Variants in CACNA2D3 observed in about 807,000 individuals in gnomAD.
The protein encoded by CACNA2D3 is voltage-dependent calcium channel subunit alpha-2/delta-3.
Under a neutral mutation model 160.6 loss-of-function variants are expected in CACNA2D3, and 60 were observed. The ratio of observed to expected loss-of-function variants is 0.37; its 90% CI spans 0.30 to 0.46. The LOEUF is 0.46. CACNA2D3 is among the 20% of genes least tolerant of loss of function. CACNA2D3 has a pLI of 1.00. For synonymous variants in CACNA2D3, 558 were observed against 492.9 expected, an observed-to-expected ratio of 1.13 and a Z score of -1.75; for missense variants, 1,205 against 1,365.0, an observed-to-expected ratio of 0.88 and a Z score of 1.85.
At chr3:54,700,230 G>T (rs887384337) in intron 11 of CACNA2D3, among the ~76,000 whole-genome samples, 11 of 152,174 alleles carry the variant, frequency 7.2e-5, no homozygotes, top group African/African-American at 2.7e-4. Flanking sequence ...TCAAGTGTTT[G>T]CTGGGTGAGT....
At chr3:54,442,051 C>T (rs778312517) in intron 4 of CACNA2D3, among the ~76,000 whole-genome samples, 2 of 152,150 alleles carry the variant, frequency 1.3e-5, no homozygotes, top group Non-Finnish European at 2.9e-5. Context: ...TCAAGCAATC[C>T]TCCTGCCTCT....
intron 13 of CACNA2D3, among the ~76,000 whole-genome samples, chr3:54,792,790 G>A (rs773745505): frequency 6.6e-6 from 1 of 152,118 alleles, no homozygotes; most frequent in Non-Finnish European, 1.5e-5. Context: ...AAGATGGAGA[G>A]TTCTGATTGG....
intron 2 of CACNA2D3, among the ~76,000 whole-genome samples, chr3:54,271,547 A>G (rs1319240226): frequency 6.6e-6 from 1 of 152,256 alleles, no homozygotes; most frequent in African/African-American, 2.4e-5. Flanking sequence ...TTTACTTGTC[A>G]TACAGACATC....
At chr3:54,182,512 G>A (rs1283315311) in intron 2 of CACNA2D3, among the ~76,000 whole-genome samples, 1 of 152,186 alleles carries the variant, frequency 6.6e-6, no homozygotes, top group Non-Finnish European at 1.5e-5. Flanking sequence ...TTGATTCTGA[G>A]TTGGTAAAAC....
At chr3:54,898,228 C>CTTTT (rs1182998445) in intron 26 of CACNA2D3, among the ~76,000 whole-genome samples, 1 of 128,184 alleles carries the variant, frequency 7.8e-6, no homozygotes, top group Non-Finnish European at 1.6e-5. Context: ...CCCACCCCGT[C>CTTTT]TTTTTTTTTT....
intron 11 of CACNA2D3, among the ~76,000 whole-genome samples, chr3:54,710,615 G>C (rs900336325): frequency 1.3e-5 from 2 of 152,166 alleles, no homozygotes; most frequent in African/African-American, 4.8e-5. Context: ...GGAAAACTGG[G>C]AAACACAGTC....
chr3:54,686,280 G>T (rs549423924), intron 11 of CACNA2D3, among the ~76,000 whole-genome samples: 1 of 152,134 alleles, frequency 6.6e-6, no homozygotes, highest in Non-Finnish European at 1.5e-5. Flanking sequence ...ACCAAATGGC[G>T]CACAAAGCCT....
chr3:54,130,165 G>C (rs969282407), intron 2 of CACNA2D3, among the ~76,000 whole-genome samples: 10 of 152,180 alleles, frequency 6.6e-5, no homozygotes, highest in African/African-American at 2.2e-4. Context: ...GACCAACTGC[G>C]GGGCCCTGGC....
intron 2 of CACNA2D3, among the ~76,000 whole-genome samples, chr3:54,222,485 T>C (rs1701593692): frequency 6.6e-6 from 1 of 152,234 alleles, no homozygotes; most frequent in Non-Finnish European, 1.5e-5. Context: ...GGATGAGGCC[T>C]ATGTACATTA....
intron 9 of CACNA2D3, among the ~76,000 whole-genome samples, chr3:54,612,665 C>T (rs2106790994): frequency 6.6e-6 from 1 of 152,296 alleles, no homozygotes; most frequent in Middle Eastern, 3.4e-3. Context: ...ATGAAATCTA[C>T]TGCCTACCAG....
At chr3:54,328,797 C>A (rs957219885) in intron 3 of CACNA2D3, among the ~76,000 whole-genome samples, 1 of 152,154 alleles carries the variant, frequency 6.6e-6, no homozygotes, top group Non-Finnish European at 1.5e-5. Flanking sequence ...GGGCCCTCCC[C>A]TTCTCCTCCC....
intron 18 of CACNA2D3, among the ~76,000 whole-genome samples, chr3:54,872,261 G>T (rs889800571): frequency 6.6e-6 from 1 of 152,180 alleles, no homozygotes; most frequent in African/African-American, 2.4e-5. Flanking sequence ...AACCCTGTCA[G>T]GTCTTCTTGG....
chr3:54,281,030 C>G (rs952577783), intron 2 of CACNA2D3, among the ~76,000 whole-genome samples: 5 of 152,164 alleles, frequency 3.3e-5, no homozygotes, highest in African/African-American at 1.2e-4. Flanking sequence ...CAGCATCCAC[C>G]CTAGAGGCTG....
chr3:54,509,429 G>A (rs1163953029), intron 5 of CACNA2D3, among the ~76,000 whole-genome samples: 1 of 152,084 alleles, frequency 6.6e-6, no homozygotes, highest in Non-Finnish European at 1.5e-5. Flanking sequence ...CTGAACTAAA[G>A]CATTTGGATT....
intron 14 of CACNA2D3, among the ~76,000 whole-genome samples, chr3:54,821,752 T>C (rs768357307): frequency 1.3e-5 from 2 of 151,086 alleles, no homozygotes; most frequent in East Asian, 1.9e-4. Context: ...TCTCTCTCTT[T>C]CTCATTCCTT....
intron 4 of CACNA2D3, among the ~76,000 whole-genome samples, chr3:54,466,758 T>G (rs1700634748): frequency 6.6e-6 from 1 of 152,244 alleles, no homozygotes; most frequent in East Asian, 1.9e-4. Flanking sequence ...GTTTTGTTAG[T>G]TGCCTAACAC....
At chr3:54,831,102 T>C (rs2106745652) in intron 14 of CACNA2D3, among the ~76,000 whole-genome samples, 1 of 152,302 alleles carries the variant, frequency 6.6e-6, no homozygotes, top group Non-Finnish European at 1.5e-5. Context: ...AAATATGATA[T>C]TTGATGAGAG....
At chr3:54,809,326 T>TCATTC (rs1559590283) in intron 13 of CACNA2D3, among the ~76,000 whole-genome samples, 1 of 120,120 alleles carries the variant, frequency 8.3e-6, no homozygotes, top group African/African-American at 3.6e-5. Flanking sequence ...TTTTTTTTTT[T>TCATTC]TTTGAGACGG....
At chr3:54,584,761 C>A (rs1031930160) in intron 9 of CACNA2D3, among the ~76,000 whole-genome samples, 2 of 152,048 alleles carry the variant, frequency 1.3e-5, no homozygotes, top group African/African-American at 4.8e-5. Flanking sequence ...AGAAAAAAAT[C>A]TAGAAACAGC....
Sources: allele counts gnomAD v4.1 joint callset (sites outside exome capture counted in the v4.1 genomes callset), GRCh38; gene constraint gnomAD v4.1.1; transcripts MANE v1.5; gene names NCBI Gene and HGNC (gene_info 2026-07-23, HGNC 2026-07-21).